The following CCSER1 variants were observed in gnomAD, a reference collection of about 807,000 sequenced individuals.
The protein encoded by CCSER1 is coiled-coil serine rich protein 1.
In CCSER1, 41 loss-of-function variants were observed where a neutral mutation model predicts 82.0. The ratio of observed to expected loss-of-function variants is 0.50; its 90% CI spans 0.39 to 0.65. CCSER1 has a LOEUF of 0.65. Among genes scored for constraint, CCSER1 ranks in the 30% least tolerant of loss-of-function variants. The probability of loss-of-function intolerance (pLI) is 0.00; values close to 1 mark genes in which losing one functional copy is unlikely to be tolerated. For missense variants in CCSER1, 1,119 were observed against 1,064.2 expected, an observed-to-expected ratio of 1.05 and a Z score of -0.72; for synonymous variants, 414 against 383.9, an observed-to-expected ratio of 1.08 and a Z score of -0.92.
chr4:91,466,781 G>A (rs1468027538), intron 10 of CCSER1, among the ~76,000 whole-genome samples: 3 of 152,136 alleles, frequency 2.0e-5, no homozygotes, highest in African/African-American at 7.2e-5. Flanking sequence ...AAAATACCTA[G>A]GAATCCAACT....
intron 10 of CCSER1, among the ~76,000 whole-genome samples, chr4:91,207,410 CTGT>C (rs935125595): frequency 6.6e-6 from 1 of 151,548 alleles, no homozygotes; most frequent in Non-Finnish European, 1.5e-5. Context: ...GCCCCATTGT[CTGT>C]TGTTCCCCTC....
intron 10 of CCSER1, among the ~76,000 whole-genome samples, chr4:91,514,962 G>T (rs2110124858): frequency 6.6e-6 from 1 of 152,206 alleles, no homozygotes; most frequent in East Asian, 1.9e-4. Flanking sequence ...AGAACAAACT[G>T]CTTAACTTAT....
chr4:91,400,438 A>G (rs944817497), intron 10 of CCSER1, among the ~76,000 whole-genome samples: 6 of 151,132 alleles, frequency 4.0e-5, no homozygotes, highest in Non-Finnish European at 8.9e-5. Flanking sequence ...CTTTTAAGCA[A>G]TATATGCTTT....
In CCSER1 at chr4:91,416,965, G is replaced by T. The variant is rs181894761; in HGVS notation, c.2218-181607G>T. Among the ~76,000 whole-genome samples, 48 of 152,082 alleles carry T rather than the reference G, an allele frequency of 3.2e-4. No homozygotes were observed. In the East Asian group the frequency reaches 8.5e-3, roughly 27 times the overall value. On this transcript the variant is annotated intron_variant, in intron 10 of 10. Coordinates refer to ENST00000509176, the MANE Select transcript of CCSER1 (RefSeq NM_001145065.2). ...TTTGCAATCTGTCCATCTGACAAAG[G>T]TCTAATATCCAGAGTCTACAAGGAG... is the stretch of plus-strand genomic sequence containing the variant.
intron 7 of CCSER1, among the ~76,000 whole-genome samples, chr4:90,737,193 C>T (rs1364385979): frequency 6.6e-6 from 1 of 152,112 alleles, no homozygotes; most frequent in African/African-American, 2.4e-5. Flanking sequence ...TGTGTACTTA[C>T]TATTGCCAGT....
intron 2 of CCSER1, among the ~76,000 whole-genome samples, chr4:90,312,148 GAA>G (rs1414931517): frequency 7.9e-5 from 12 of 152,330 alleles, no homozygotes; most frequent in African/African-American, 2.6e-4. Context: ...ATATTTGAGA[GAA>G]ATATATTAGT....
intron 9 of CCSER1, among the ~76,000 whole-genome samples, chr4:90,948,367 G>A (rs1299251300): frequency 6.6e-6 from 1 of 151,500 alleles, no homozygotes; most frequent in Non-Finnish European, 1.5e-5. Context: ...TTCATTTTCA[G>A]GATTTAAAAA....
chr4:90,421,521 C>G (rs943883091), intron 4 of CCSER1, among the ~76,000 whole-genome samples: 7 of 152,064 alleles, frequency 4.6e-5, no homozygotes, highest in African/African-American at 1.7e-4. Context: ...AAAAACGCTA[C>G]CTTGACTGAA....
chr4:91,224,057 CTT>C (rs5860224), intron 10 of CCSER1, among the ~76,000 whole-genome samples: 10,507 of 140,536 alleles, frequency 0.075, 795 homozygotes, highest in African/African-American at 0.2. Context: ...CTCAAAGTGG[CTT>C]TTTTTTTTTT....
intron 9 of CCSER1, among the ~76,000 whole-genome samples, chr4:91,084,357 T>C (rs1273598833): frequency 6.6e-6 from 1 of 152,172 alleles, no homozygotes; most frequent in Non-Finnish European, 1.5e-5. Flanking sequence ...TAAATGCTGT[T>C]ACATATAATA....
chr4:90,968,358 C>A lies in CCSER1; in HGVS notation c.2172+44911C>A, dbSNP rs557762692. On this transcript the variant is annotated intron_variant, in intron 9 of 10. Coordinates refer to ENST00000509176, the MANE Select transcript of CCSER1 (RefSeq NM_001145065.2). ...TCAACTAACCCACACATGCCCCCAG[C>A]ATTCATCCCTTCCTTAGCAGGTGCT... Among the ~76,000 whole-genome samples the A allele has an allele frequency of 3.3e-5, 5 of 152,210 alleles. 1 individual carries two copies. Among genetic ancestry groups the A allele is most frequent in the African/African-American group, 9.6e-5 (4 of 41,490 alleles).
intron 9 of CCSER1, among the ~76,000 whole-genome samples, chr4:91,083,808 A>G (rs151287809): frequency 6.6e-6 from 1 of 152,128 alleles, no homozygotes; most frequent in African/African-American, 2.4e-5. Flanking sequence ...AACATACAAA[A>G]TACCAAGAGA....
intron 7 of CCSER1, among the ~76,000 whole-genome samples, chr4:90,753,442 AAG>A (rs773430261): frequency 4.6e-5 from 7 of 152,166 alleles, no homozygotes; most frequent in South Asian, 2.1e-4. Context: ...AGCCAAAAAT[AAG>A]AGAGAGAGAG....
At chr4:91,059,877 C>T (rs1743810115) in intron 9 of CCSER1, among the ~76,000 whole-genome samples, 1 of 152,042 alleles carries the variant, frequency 6.6e-6, no homozygotes, top group Non-Finnish European at 1.5e-5. Flanking sequence ...TTTCCAGCCT[C>T]TAAAAATCTC....
chr4:91,322,863 C>A (rs1425916176), intron 10 of CCSER1, among the ~76,000 whole-genome samples: 1 of 151,992 alleles, frequency 6.6e-6, no homozygotes, highest in Non-Finnish European at 1.5e-5. Context: ...AGAAAAGGGG[C>A]TTTTTGATCA....
At chr4:91,359,733 AT>A (rs575914439) in intron 10 of CCSER1, among the ~76,000 whole-genome samples, 2 of 151,662 alleles carry the variant, frequency 1.3e-5, no homozygotes, top group Non-Finnish European at 3.0e-5. Context: ...CATAATTTTG[AT>A]TTTTTTTAAG....
intron 1 of CCSER1, among the ~76,000 whole-genome samples, chr4:90,202,446 A>G (rs968818693): frequency 6.6e-6 from 1 of 152,044 alleles, no homozygotes; most frequent in Non-Finnish European, 1.5e-5. Flanking sequence ...CAGGTGATTC[A>G]CCTGCCTTGG....
chr4:90,489,168 T>C (rs966779845), intron 5 of CCSER1, among the ~76,000 whole-genome samples: 7 of 152,192 alleles, frequency 4.6e-5, no homozygotes, highest in African/African-American at 1.4e-4. Context: ...TCAAGAAGCA[T>C]ACCCTTGATT....
chr4:91,466,687 A>T (rs1756931003), intron 10 of CCSER1, among the ~76,000 whole-genome samples: 1 of 152,208 alleles, frequency 6.6e-6, no homozygotes, highest in Non-Finnish European at 1.5e-5. Context: ...TGCAAAAATC[A>T]CAAGCATTCC....
Sources: gnomAD v4.1 joint callset for allele counts (sites outside exome capture counted in the v4.1 genomes callset) on GRCh38, gnomAD v4.1.1 for gene constraint, MANE v1.5 for transcripts, NCBI Gene and HGNC (gene_info 2026-07-23, HGNC 2026-07-21) for gene names.